The following FGF18 variants were observed in gnomAD, a reference collection of about 807,000 sequenced individuals.
FGF18 encodes the protein fibroblast growth factor 18.
A neutral mutation model predicts 23.0 loss-of-function variants in FGF18; 5 were observed. The ratio of observed to expected loss-of-function variants is 0.22; its 90% confidence interval spans 0.11 to 0.46. The LOEUF (loss-of-function observed/expected upper bound fraction) is 0.46. FGF18 is among the 20% of genes least tolerant of loss of function. The probability of loss-of-function intolerance (pLI) is 0.99; values close to 1 mark genes in which losing one functional copy is unlikely to be tolerated. For synonymous variants in FGF18, 117 were observed against 118.9 expected (o/e 0.98, Z 0.10); for missense variants, 180 against 291.6 (o/e 0.62, Z 2.79).
Position 171,430,597 on chromosome 5 carries a change from G to C in FGF18, c.70-5496G>C, listed in dbSNP as rs575208515. Among the ~76,000 whole-genome samples the C allele has an allele frequency of 4.7e-4, 67 of 143,202 alleles. 3 individuals are homozygous for C. Among genetic ancestry groups the C allele is most frequent in the Admixed American group, 3.0e-3 (45 of 14,784 alleles). The allele number at this position is 143,202 out of a possible 152,430, so 93.9% of individuals were successfully genotyped here. A position where few individuals can be genotyped will look rare whatever the true frequency, so the allele number is the denominator to read the frequency against. On this transcript the variant is annotated intron_variant, in intron 2 of 4. Transcript: ENST00000274625. ...AGGTCAGGAGATCGAGACCATCCTG[G>C]CTAACAAGGTGAAACCCCGTCTCTA...
rs1772593001 is a variant in FGF18 at position 171,456,918 on chromosome 5, T to C, written c.*113T>C. 2 of 1,342,434 alleles carry C rather than the reference T, an allele frequency of 1.5e-6. No individual in the cohort carries two copies. The highest frequency in any genetic ancestry group is 1.5e-5 in the African/African-American group (1 of 68,156). 83.2% of individuals were successfully genotyped at this position (1,342,434 alleles called of 1,614,324 possible). On this transcript the variant is annotated 3_prime_UTR_variant, in exon 5 of 5. Coordinates refer to ENST00000274625, the MANE Select transcript of FGF18 (RefSeq NM_003862.3). This position sits in a 1 kb window ranked among gnomAD's most constrained non-coding sequence, Gnocchi z 6.1. The stretch of plus-strand genomic sequence containing the variant: ...AAGGAAGAAGCTCTATTTTTGTACA[T>C]TGTGTTTAAAAGAAGACAAAAACTG...
rs926539678 is a variant in FGF18, at chr5:171,440,224, G to GT, written c.250+3952dup. 9.8e-4 allele frequency among the ~76,000 whole-genome samples: 119 copies of GT among 121,914 alleles called. No homozygotes were observed. Among genetic ancestry groups the GT allele is most frequent in the Middle Eastern group, 4.2e-3 (1 of 238 alleles). The allele number at this position is 121,914 out of a possible 152,430, so 80.0% of individuals were successfully genotyped here. On this transcript the variant is annotated intron_variant, in intron 3 of 4. Transcript: ENST00000274625. The surrounding 1 kb of genome is among the most constrained non-coding windows in gnomAD (Gnocchi z 4.0). ...CACCTGACCTCCTTACTATGGGTGT[G>GT]TGGGGGGGGGTGGTGCCATCGCGGG...
rs777636261 is a variant in FGF18 at position 171,456,630 on chromosome 5, A to T, written c.449A>T (p.Tyr150Phe). ...ATGTCGGCTAAGTACTCCGGCTGGT[A>T]CGTGGGCTTCACCAAGAAGGGGCGG... ...ALMSAKYSGW[Y>F]VGFTKKGRPR... Residue 150 changes from tyrosine to phenylalanine, a missense_variant, in exon 5 of 5, where the codon TAC becomes TTC. Physicochemically the swap from Tyr to Phe is conservative, Grantham distance 22. Coordinates refer to ENST00000274625, the MANE Select transcript of FGF18 (RefSeq NM_003862.3). This position sits in a 1 kb window ranked among gnomAD's most constrained non-coding sequence, Gnocchi z 6.1. The T allele has an allele frequency of 3.7e-6, 6 of 1,614,138 alleles. No individual in the cohort carries two copies. In the Admixed American group the frequency reaches 1.0e-4, roughly 27 times the overall value.
chr5:171,428,018 T>C (rs1000881404), intron 2 of FGF18, among the ~76,000 whole-genome samples: 11 of 152,134 alleles, frequency 7.2e-5, no homozygotes, highest in African/African-American at 2.7e-4. Context: ...AAAGGGTGAG[T>C]TCCCCCTGCC....
At chr5:171,420,323 C>A in intron 1 of FGF18, 84 bp from the exon 2 acceptor site, 1 of 1,606,464 alleles carries the variant, frequency 6.2e-7, no homozygotes, top group Non-Finnish European at 8.5e-7. Context: ...CGTCGGTTCA[C>A]CTGACTCTTC....
chr5:171,421,339 G>A (rs1259375153), intron 2 of FGF18, among the ~76,000 whole-genome samples: 1 of 152,156 alleles, frequency 6.6e-6, no homozygotes, highest in Admixed American at 6.5e-5. Context: ...GGGGTCGGGG[G>A]GCGGCGGGCA....
At chr5:171,453,309 G>A (rs1217558019) in intron 4 of FGF18, among the ~76,000 whole-genome samples, 2 of 152,162 alleles carry the variant, frequency 1.3e-5, no homozygotes, top group Non-Finnish European at 2.9e-5. Flanking sequence ...CATAGCCCCA[G>A]GGCTGGTTCC....
At chr5:171,435,299 G>C (rs1447703908) in intron 2 of FGF18, among the ~76,000 whole-genome samples, 1 of 152,210 alleles carries the variant, frequency 6.6e-6, no homozygotes, top group African/African-American at 2.4e-5. Flanking sequence ...CAGGGGGCGA[G>C]AGTGGAAGCA....
intron 2 of FGF18, among the ~76,000 whole-genome samples, chr5:171,423,016 C>T (rs866518210): frequency 5.9e-5 from 9 of 152,232 alleles, no homozygotes; most frequent in Non-Finnish European, 1.3e-4. Context: ...GATGCGCCTA[C>T]GCCCTTCCCT....
rs547847642 is a variant in FGF18 at position 171,456,163 on chromosome 5, C to T, written c.358-376C>T. 6.6e-6 allele frequency among the ~76,000 whole-genome samples: 1 copy of T among 152,260 alleles called. No individual in the cohort carries two copies. The highest frequency in any genetic ancestry group is 1.9e-4 in the East Asian group (1 of 5,176). On this transcript the variant is annotated intron_variant, in intron 4 of 4. Transcript: ENST00000274625. This position sits in a 1 kb window ranked among gnomAD's most constrained non-coding sequence, Gnocchi z 6.1. ...TTGTAAAATCCAGTTTTAGCAAGAG[C>T]CCTGCTAAGTCAGTTTAGCAAGGAT... is the stretch of plus-strand genomic sequence containing the variant.
rs766926286 is a variant in FGF18 at position 171,443,500 on chromosome 5, C to CTTTTTTTTTTTTTTTTT, written c.251-5647_251-5646insTTTTTTTTTTTTTTTTT. 6.5e-4 allele frequency among the ~76,000 whole-genome samples: 46 copies of CTTTTTTTTTTTTTTTTT among 70,354 alleles called. 9 individuals are homozygous for CTTTTTTTTTTTTTTTTT. Among genetic ancestry groups the CTTTTTTTTTTTTTTTTT allele is most frequent in the Middle Eastern group, 0.02 (2 of 98 alleles). 46.2% of individuals were successfully genotyped at this position (70,354 alleles called of 152,430 possible). Reference sequence around the variant, plus strand: ...TCAGATAAGTATTCACTGTTATCATCATTTTTTTTTTTTTTTTTTTTTTTT... The same window carrying CTTTTTTTTTTTTTTTTT: ...TCAGATAAGTATTCACTGTTATCATCTTTTTTTTTTTTTTTTTATTTTTTTTTTTTTTTTTTTTTTTT... On this transcript the variant is annotated intron_variant, in intron 3 of 4. Transcript: ENST00000274625.
In FGF18 at chr5:171,420,120, G is replaced by T. The variant is rs1405142547; in HGVS notation, c.-80G>T. 1.2e-5 allele frequency: 15 copies of T among 1,225,598 alleles called. No homozygotes were observed. Among genetic ancestry groups the T allele is most frequent in the Admixed American group, 8.3e-5 (2 of 24,024 alleles). 75.9% of individuals were successfully genotyped at this position (1,225,598 alleles called of 1,614,324 possible). On this transcript the variant is annotated 5_prime_UTR_variant, in exon 1 of 5. Transcript: ENST00000274625. ...AGCGGCGGCGGCGGCGGCGGCGGCGGCGGAGGCGCCCGGTCCCGGCCGCGC... is the reference window on the plus strand; with the variant it reads ...AGCGGCGGCGGCGGCGGCGGCGGCGTCGGAGGCGCCCGGTCCCGGCCGCGC...
rs576116809 is a variant in FGF18, at chr5:171,429,942, C to T, written c.70-6151C>T. Among the ~76,000 whole-genome samples the T allele has an allele frequency of 1.3e-4, 20 of 152,342 alleles. No individual in the cohort carries two copies. In the South Asian group the frequency reaches 3.7e-3, roughly 28 times the overall value. On this transcript the variant is annotated intron_variant, in intron 2 of 4. Coordinates refer to ENST00000274625, the MANE Select transcript of FGF18 (RefSeq NM_003862.3). ...GAAGAGGAGGGAGAACAGTGGCAGGCGAGGGCAAAGCAGGAGAGAGCCTGG... is the reference window on the plus strand; with the variant it reads ...GAAGAGGAGGGAGAACAGTGGCAGGTGAGGGCAAAGCAGGAGAGAGCCTGG...
At chr5:171,437,842 CA>C (rs1472246185) in intron 3 of FGF18, among the ~76,000 whole-genome samples, 1 of 152,130 alleles carries the variant, frequency 6.6e-6, no homozygotes, top group African/African-American at 2.4e-5. Flanking sequence ...TGGGAGAGTA[CA>C]GGGGGGTCAG....
chr5:171,457,121 G>T lies in FGF18; in HGVS notation c.*316G>T. On this transcript the variant is annotated 3_prime_UTR_variant, in exon 5 of 5. Transcript: ENST00000274625. ...ACTTGAATGAGGAAACCAACACTTT[G>T]AGAAACCAAAGTCCTTTTTCCCAAA... The T allele has an allele frequency of 5.1e-6, 1 of 197,126 alleles. No individual in the cohort carries two copies. Among genetic ancestry groups the T allele is most frequent in the Non-Finnish European group, 9.7e-6 (1 of 103,258 alleles). 12.2% of individuals were successfully genotyped at this position (197,126 alleles called of 1,614,324 possible).
At chr5:171,422,751 A>T (rs1211975338) in intron 2 of FGF18, among the ~76,000 whole-genome samples, 1 of 152,128 alleles carries the variant, frequency 6.6e-6, no homozygotes, top group African/African-American at 2.4e-5. Flanking sequence ...GTAGCAGTTC[A>T]AGCTCCTTTA....
intron 3 of FGF18, among the ~76,000 whole-genome samples, chr5:171,442,723 C>T (rs1772363901): frequency 6.6e-6 from 1 of 152,236 alleles, no homozygotes; most frequent in African/African-American, 2.4e-5. Flanking sequence ...CTCCAGGCCT[C>T]TGGCTGCCTC....
rs184729241 is a variant in FGF18 at position 171,456,664 on chromosome 5, G to A, written c.483G>A (p.Lys161=). The A allele has an allele frequency of 5.3e-4, 855 of 1,613,994 alleles. 9 individuals are homozygous for A. The East Asian group carries it at 0.014, about 26-fold the overall frequency. The change falls in exon 5 of 5, where the codon AAG becomes AAA. Residue 161 remains lysine (K), a synonymous_variant. Coordinates refer to ENST00000274625, the MANE Select transcript of FGF18 (RefSeq NM_003862.3). This position sits in a 1 kb window ranked among gnomAD's most constrained non-coding sequence, Gnocchi z 6.1. ...TCACCAAGAAGGGGCGGCCGCGGAA[G>A]GGCCCCAAGACCCGGGAGAACCAGC... The part of the protein sequence containing the change: ...VGFTKKGRPR[K]GPKTRENQQD...
Position 171,440,016 on chromosome 5 carries a change from T to C in FGF18, c.250+3743T>C, listed in dbSNP as rs1009296961. ...AGCCAGGGAGATGGTATTTGGAGGA[T>C]TGAGCTTGTCAGCTCAGGAATCTAA... On this transcript the variant is annotated intron_variant, in intron 3 of 4. Coordinates refer to ENST00000274625, the MANE Select transcript of FGF18 (RefSeq NM_003862.3). This position sits in a 1 kb window ranked among gnomAD's most constrained non-coding sequence, Gnocchi z 4.0. Among the ~76,000 whole-genome samples, 11 of 152,220 alleles carry C rather than the reference T, an allele frequency of 7.2e-5. No homozygotes were observed. The highest frequency in any genetic ancestry group is 2.4e-4 in the African/African-American group (10 of 41,464).
Sources: allele counts gnomAD v4.1 joint callset (sites outside exome capture counted in the v4.1 genomes callset), GRCh38; gene constraint gnomAD v4.1.1; non-coding constraint Gnocchi (gnomAD v3.1); transcripts MANE v1.5; gene names NCBI Gene and HGNC (gene_info 2026-07-23, HGNC 2026-07-21).